Variants in PTK7 observed in about 807,000 individuals in gnomAD.
PTK7 encodes inactive tyrosine-protein kinase 7.
In PTK7, 39 loss-of-function variants were observed where a neutral mutation model predicts 116.6. The observed-to-expected ratio is 0.33, with a 90% CI of 0.26 to 0.44. PTK7 has a LOEUF of 0.44. Among genes scored for constraint, PTK7 ranks in the 20% least tolerant of loss-of-function variants. The pLI is 1.00. For missense variants in PTK7, 1,169 were observed against 1,425.6 expected, an observed-to-expected ratio of 0.82 and a Z score of 2.90; for synonymous variants, 546 against 563.6, an observed-to-expected ratio of 0.97 and a Z score of 0.44.
chr6:43,076,447 G>T lies in PTK7; in HGVS notation c.-42G>T. The T allele has an allele frequency of 6.7e-7, 1 of 1,490,194 alleles. No homozygotes were observed. The highest frequency in any genetic ancestry group is 8.9e-7 in the Non-Finnish European group (1 of 1,123,716). 92.3% of individuals were successfully genotyped at this position (1,490,194 alleles called of 1,614,324 possible). A position where few individuals can be genotyped will look rare whatever the true frequency, so the allele number is the denominator to read the frequency against. The stretch of plus-strand genomic sequence containing the variant: ...GCCCGCCGCGGAGCGCAGTCTGCGC[G>T]CCCGCCGTGCGCCCTCAGCTCCTTT... On this transcript the variant is annotated 5_prime_UTR_variant, in exon 1 of 20. Transcript: ENST00000230419. The surrounding 1 kb of genome is among the most constrained non-coding windows in gnomAD (Gnocchi z 5.7).
At chr6:43,088,348 C>A (rs1199983383) in intron 1 of PTK7, among the ~76,000 whole-genome samples, 1 of 152,010 alleles carries the variant, frequency 6.6e-6, no homozygotes, top group African/African-American at 2.4e-5. Flanking sequence ...GCCAGTCCCT[C>A]CTGTGCCTTC....
chr6:43,127,988 G>C (rs1231832940), intron 1 of PTK7, among the ~76,000 whole-genome samples: 2 of 152,170 alleles, frequency 1.3e-5, no homozygotes, highest in African/African-American at 4.8e-5. Context: ...AGTAGCCCAG[G>C]TTTCTAGAGA....
At chr6:43,095,987 T>C (rs1308303403) in intron 1 of PTK7, among the ~76,000 whole-genome samples, 1 of 152,208 alleles carries the variant, frequency 6.6e-6, no homozygotes, top group African/African-American at 2.4e-5. Context: ...AAGCTCTCAG[T>C]AGTCCTGAGT....
chr6:43,149,958 G>T (rs1304364395), intron 17 of PTK7, among the ~76,000 whole-genome samples: 2 of 152,170 alleles, frequency 1.3e-5, no homozygotes, highest in South Asian at 4.1e-4. Flanking sequence ...GGTGTGAGTG[G>T]GCTGAGGGGA....
At chr6:43,157,364 A>ATATATATATATATTT (rs70990168) in intron 17 of PTK7, among the ~76,000 whole-genome samples, 2 of 54,360 alleles carry the variant, frequency 3.7e-5, no homozygotes, top group Admixed American at 2.4e-4. Flanking sequence ...ATATATATAT[A>ATATATATATATATTT]TTTTTTTTTT....
At chr6:43,104,868 A>T (rs565211924) in intron 1 of PTK7, among the ~76,000 whole-genome samples, 2 of 137,546 alleles carry the variant, frequency 1.5e-5, no homozygotes, top group East Asian at 4.2e-4. Flanking sequence ...GCTGGAGTGC[A>T]GTGGCGTGAT....
intron 17 of PTK7, among the ~76,000 whole-genome samples, chr6:43,155,028 C>G (rs1771340062): frequency 1.3e-5 from 2 of 152,236 alleles, no homozygotes; most frequent in African/African-American, 4.8e-5. Context: ...GTGTGGCACA[C>G]AGCAGGTGCT....
At chr6:43,110,212 G>C (rs113173487) in intron 1 of PTK7, among the ~76,000 whole-genome samples, 274 of 151,528 alleles carry the variant, frequency 1.8e-3, no homozygotes, top group African/African-American at 6.1e-3. Context: ...GGCTGGTCTC[G>C]AACTCTTGAC....
Position 43,144,947 on chromosome 6 carries a change from C to T in PTK7, c.2408-253C>T, listed in dbSNP as rs149709103. ...CGTTTTTTCCTAGCATACGTTAAGACATGTTTACCATGAGCCACCAAAAAT... is the reference window on the plus strand; with the variant it reads ...CGTTTTTTCCTAGCATACGTTAAGATATGTTTACCATGAGCCACCAAAAAT... On this transcript the variant is annotated intron_variant, in intron 15 of 19. Transcript: ENST00000230419. 178 of 429,792 alleles carry T rather than the reference C, an allele frequency of 4.1e-4. 1 individual carries two copies. The East Asian group carries it at 6.0e-3, about 14-fold the overall frequency. 26.6% of individuals were successfully genotyped at this position (429,792 alleles called of 1,614,324 possible).
chr6:43,098,521 A>G (rs1767379291), intron 1 of PTK7, among the ~76,000 whole-genome samples: 1 of 151,896 alleles, frequency 6.6e-6, no homozygotes, highest in African/African-American at 2.4e-5. Flanking sequence ...ATGCCTGGCT[A>G]ATTTTTGCAT....
rs760799969 is a variant in PTK7 at position 43,130,439 on chromosome 6, C to G, written c.661+19C>G. ...ATTGCTGGTGAGCCTGGGGTGGGGG[C>G]GGAAGGGATGAGGTGAGCACAGGAG... On this transcript the variant is annotated intron_variant, in intron 4 of 19. Transcript: ENST00000230419. 1 of 1,603,058 alleles carries G rather than the reference C, an allele frequency of 6.2e-7. No individual in the cohort carries two copies.
In PTK7 at chr6:43,160,973, C is replaced by T; in HGVS notation, c.*92C>T. ...TGGGCAAGATCCCTGTCCTCCTGGG[C>T]CCTGAGGCCCCTGCCCTAGTGCAAC... On this transcript the variant is annotated 3_prime_UTR_variant, in exon 20 of 20. Transcript: ENST00000230419. The T allele has an allele frequency of 1.4e-6, 2 of 1,472,510 alleles. No individual in the cohort carries two copies. The highest frequency in any genetic ancestry group is 2.8e-5 in the African/African-American group (2 of 71,928). The allele number at this position is 1,472,510 out of a possible 1,614,324, so 91.2% of individuals were successfully genotyped here. A position where few individuals can be genotyped will look rare whatever the true frequency, so the allele number is the denominator to read the frequency against.
Position 43,159,904 on chromosome 6 carries a change from G to A in PTK7, c.2990G>A (p.Trp997Ter), listed in dbSNP as rs765843267. 1 of 1,614,208 alleles carries A rather than the reference G, an allele frequency of 6.2e-7. No individual in the cohort carries two copies. The change falls in exon 19 of 20, where the codon TGG (tryptophan) becomes TAG (stop). Residue 997 changes from tryptophan (W) to a stop codon, truncating the protein, a stop_gained. Transcript: ENST00000230419. LOFTEE classifies it high-confidence loss of function. ...GTCTGGGCCTTCGGTGTGCTGATGT[G>A]GGAAGTGTTTACACATGGAGAGATG... is the stretch of plus-strand genomic sequence containing the variant. ...SDVWAFGVLMWEVFTHGEMPH... is the reference protein window; with the variant it reads ...SDVWAFGVLM
intron 17 of PTK7, among the ~76,000 whole-genome samples, chr6:43,155,191 T>A (rs543666754): frequency 3.8e-4 from 55 of 146,492 alleles, no homozygotes; most frequent in Admixed American, 2.5e-3. Context: ...GATACTCAAA[T>A]TTTTTTTTTT....
chr6:43,136,561 C>G (rs1428516202), intron 7 of PTK7, among the ~76,000 whole-genome samples: 1 of 152,148 alleles, frequency 6.6e-6, no homozygotes, highest in Non-Finnish European at 1.5e-5. Context: ...TGCCTTAGTT[C>G]TCCTCCACAT....
chr6:43,121,400 T>A (rs1183356387), intron 1 of PTK7, among the ~76,000 whole-genome samples: 2 of 152,204 alleles, frequency 1.3e-5, no homozygotes, highest in African/African-American at 4.8e-5. Flanking sequence ...TGGGAACCTC[T>A]CCAGATACTG....
At chr6:43,103,880 A>T (rs897193505) in intron 1 of PTK7, among the ~76,000 whole-genome samples, 2 of 152,162 alleles carry the variant, frequency 1.3e-5, no homozygotes, top group Admixed American at 1.3e-4. Flanking sequence ...AAGGCTCTCA[A>T]ATGGATCAAA....
Position 43,123,759 on chromosome 6 carries a change from GC to G in PTK7, c.80-5215del, listed in dbSNP as rs139153155. 2.7e-3 allele frequency among the ~76,000 whole-genome samples: 412 copies of G among 152,302 alleles called. 1 individual carries two copies. The highest frequency in any genetic ancestry group is 9.5e-3 in the African/African-American group (395 of 41,558). On this transcript the variant is annotated intron_variant, in intron 1 of 19. Coordinates refer to ENST00000230419, the MANE Select transcript of PTK7 (RefSeq NM_002821.5). Reference sequence around the variant, plus strand: ...GGTCGGCGCCTGGTGTGGGCAGATGGCCCTGTCTGCCTGTTGTTGCTGAGGG... The same window carrying G: ...GGTCGGCGCCTGGTGTGGGCAGATGGCCTGTCTGCCTGTTGTTGCTGAGGG...
intron 1 of PTK7, among the ~76,000 whole-genome samples, chr6:43,094,700 G>A (rs190965425): frequency 6.6e-6 from 1 of 151,688 alleles, no homozygotes; most frequent in Non-Finnish European, 1.5e-5. Context: ...GGATGGTCTC[G>A]ATCTCCTGAC....
Sources: gnomAD v4.1 joint callset for allele counts (sites outside exome capture counted in the v4.1 genomes callset) on GRCh38, gnomAD v4.1.1 for gene constraint, Gnocchi (gnomAD v3.1) non-coding constraint, MANE v1.5 for transcripts, NCBI Gene and HGNC (gene_info 2026-07-23, HGNC 2026-07-21) for gene names.